The following PLXNC1 variants were observed in gnomAD, a reference collection of about 807,000 sequenced individuals.
PLXNC1 encodes the protein plexin C1.
A neutral mutation model predicts 178.2 loss-of-function variants in PLXNC1; 75 were observed. The ratio of observed to expected loss-of-function variants is 0.42; its 90% CI spans 0.35 to 0.51. The LOEUF is 0.51. Ranked by LOEUF, PLXNC1 falls within the 20% of genes least tolerant of loss-of-function variation. PLXNC1 has a pLI of 0.02. For missense variants in PLXNC1, 1,503 were observed against 1,984.4 expected (o/e 0.76, Z 4.61); for synonymous variants, 790 against 779.9 (o/e 1.01, Z -0.22).
At chr12:94,245,799 G>T (rs2136059568) in intron 12 of PLXNC1, among the ~76,000 whole-genome samples, 1 of 152,252 alleles carries the variant, frequency 6.6e-6, no homozygotes, top group South Asian at 2.1e-4. Context: ...GGTCTGGAAT[G>T]ACCAAGAGCG....
intron 12 of PLXNC1, among the ~76,000 whole-genome samples, chr12:94,246,174 C>A (rs1258918122): frequency 6.6e-6 from 1 of 152,218 alleles, no homozygotes; most frequent in Non-Finnish European, 1.5e-5. Flanking sequence ...TGTTGGGGAA[C>A]CTCCTGCAGG....
intron 4 of PLXNC1, 26 bp downstream of exon 4, chr12:94,186,499 A>C: frequency 6.6e-7 from 1 of 1,515,962 alleles, no homozygotes. Context: ...TTTCTCACCA[A>C]CTCGCATTTT....
chr12:94,177,179 ATATATATG>A lies in PLXNC1; in HGVS notation c.1204-4259_1204-4252del, dbSNP rs1565794329. 5.0e-3 allele frequency among the ~76,000 whole-genome samples: 157 copies of A among 31,546 alleles called. 1 individual carries two copies. Among genetic ancestry groups the A allele is most frequent in the African/African-American group, 0.016 (136 of 8,508 alleles). The allele number at this position is 31,546 out of a possible 152,430, so 20.7% of individuals were successfully genotyped here. A position where few individuals can be genotyped will look rare whatever the true frequency, so the allele number is the denominator to read the frequency against. Reference sequence around the variant, plus strand: ...TATATATGTATATATATATATACGTATATATATGTATATATATATACGTATATATATAT... The same window carrying A: ...TATATATGTATATATATATATACGTATATATATATATACGTATATATATAT... On this transcript the variant is annotated intron_variant, in intron 2 of 30. Transcript: ENST00000258526.
At chr12:94,220,449 T>A (rs1963763345) in intron 6 of PLXNC1, among the ~76,000 whole-genome samples, 1 of 152,100 alleles carries the variant, frequency 6.6e-6, no homozygotes, top group Non-Finnish European at 1.5e-5. Flanking sequence ...ACCCAAATGG[T>A]TTAGATAATT....
intron 21 of PLXNC1, among the ~76,000 whole-genome samples, chr12:94,273,442 T>C (rs1965709314): frequency 6.6e-6 from 1 of 152,126 alleles, no homozygotes; most frequent in African/African-American, 2.4e-5. Flanking sequence ...GCCAAGTGTC[T>C]CCATGGTCTA....
At chr12:94,253,354 C>T (rs896160888) in intron 15 of PLXNC1, among the ~76,000 whole-genome samples, 13 of 151,952 alleles carry the variant, frequency 8.6e-5, no homozygotes, top group African/African-American at 2.4e-4. Context: ...TTCATCCCTG[C>T]ATCTATTTAC....
intron 1 of PLXNC1, among the ~76,000 whole-genome samples, chr12:94,159,287 A>G (rs1961288813): frequency 6.6e-6 from 1 of 152,244 alleles, no homozygotes; most frequent in South Asian, 2.1e-4. Context: ...CTGCAACTTT[A>G]CAAAATGGGC....
chr12:94,214,885 G>C (rs780984464), intron 5 of PLXNC1, among the ~76,000 whole-genome samples: 1 of 150,702 alleles, frequency 6.6e-6, no homozygotes, highest in East Asian at 1.9e-4. Context: ...TAGCAGAGCA[G>C]TGGTGTATTA....
Position 94,279,383 on chromosome 12 carries a change from T to C in PLXNC1, c.3598-89T>C, listed in dbSNP as rs900268013. ...GCTAATGTGCTGTCAGAGGTATTAG[T>C]GGGACTTGCTAAGGTTTGTGTCTTT... On this transcript the variant is annotated intron_variant, in intron 21 of 30. Coordinates refer to ENST00000258526, the MANE Select transcript of PLXNC1 (RefSeq NM_005761.3). The C allele has an allele frequency of 4.7e-6, 5 of 1,071,312 alleles. No individual in the cohort carries two copies. The African/African-American group carries it at 7.9e-5, about 17-fold the overall frequency. The allele number at this position is 1,071,312 out of a possible 1,614,324, so 66.4% of individuals were successfully genotyped here.
chr12:94,292,136 T>G (rs924500340), intron 23 of PLXNC1, among the ~76,000 whole-genome samples: 1 of 152,250 alleles, frequency 6.6e-6, no homozygotes, highest in Non-Finnish European at 1.5e-5. Context: ...GAACTACTTG[T>G]AGTTGCAACA....
chr12:94,282,729 G>T (rs533075694), intron 23 of PLXNC1: 1 of 196,648 alleles, frequency 5.1e-6, no homozygotes, highest in African/African-American at 2.3e-5. Context: ...TGGGTGACAA[G>T]CGTGCTGATG....
intron 5 of PLXNC1, among the ~76,000 whole-genome samples, chr12:94,213,014 C>T (rs993339197): frequency 2.6e-5 from 4 of 152,304 alleles, no homozygotes; most frequent in Non-Finnish European, 5.9e-5. Flanking sequence ...CCACCGTGCC[C>T]GGCCTACGTG....
At chr12:94,271,086 CTCTCTT>C (rs1965541237) in intron 21 of PLXNC1, among the ~76,000 whole-genome samples, 1 of 152,166 alleles carries the variant, frequency 6.6e-6, no homozygotes, top group African/African-American at 2.4e-5. Context: ...CTTGTTTCTT[CTCTCTT>C]TAATTCAGGT....
In PLXNC1 at chr12:94,250,646, A is replaced by G. The variant is rs186126426; in HGVS notation, c.2779-780A>G. On this transcript the variant is annotated intron_variant, in intron 14 of 30. Coordinates refer to ENST00000258526, the MANE Select transcript of PLXNC1 (RefSeq NM_005761.3). The stretch of plus-strand genomic sequence containing the variant: ...CAAGTTTCACAAAATATAACCCAAA[A>G]AAATGCTAAAACTGGAAAAATCCCT... 2.4e-3 allele frequency among the ~76,000 whole-genome samples: 359 copies of G among 152,326 alleles called. 2 individuals carry two copies. In the Middle Eastern group the frequency reaches 0.027, roughly 12 times the overall value.
chr12:94,297,692 A>G (rs563752266), intron 26 of PLXNC1, among the ~76,000 whole-genome samples: 1 of 152,118 alleles, frequency 6.6e-6, no homozygotes, highest in South Asian at 2.1e-4. Context: ...TTTCACTATT[A>G]TTGTTATTTT....
At chr12:94,189,679 C>CA (rs71435709) in intron 4 of PLXNC1, among the ~76,000 whole-genome samples, 243 of 142,708 alleles carry the variant, frequency 1.7e-3, no homozygotes, top group Admixed American at 5.1e-3. Context: ...GACCCTGTCT[C>CA]AAAAAAAAAA....
At chr12:94,295,197 C>G (rs888295929) in intron 24 of PLXNC1, among the ~76,000 whole-genome samples, 1 of 152,212 alleles carries the variant, frequency 6.6e-6, no homozygotes, top group Non-Finnish European at 1.5e-5. Flanking sequence ...CTTTCACACA[C>G]ACAGCCAGAG....
Position 94,193,153 on chromosome 12 carries a change from G to A in PLXNC1, c.1439+6680G>A, listed in dbSNP as rs535120595. Among the ~76,000 whole-genome samples, 6 of 152,258 alleles carry A rather than the reference G, an allele frequency of 3.9e-5. No individual in the cohort carries two copies. The South Asian group carries it at 6.2e-4, about 16-fold the overall frequency. ...GCTTGGCCTGAAGCTCAGTGTGGACGAGCTTCACATTAAAGAATTTGAATT... is the reference window on the plus strand; with the variant it reads ...GCTTGGCCTGAAGCTCAGTGTGGACAAGCTTCACATTAAAGAATTTGAATT... On this transcript the variant is annotated intron_variant, in intron 4 of 30. Coordinates refer to ENST00000258526, the MANE Select transcript of PLXNC1 (RefSeq NM_005761.3).
Position 94,149,938 on chromosome 12 carries a change from C to G in PLXNC1, c.967C>G (p.Pro323Ala). 1.3e-6 allele frequency: 2 copies of G among 1,586,822 alleles called. No homozygotes were observed. Among genetic ancestry groups the G allele is most frequent in the Non-Finnish European group, 1.7e-6 (2 of 1,167,582 alleles). The change falls in exon 1 of 31, where the codon CCC becomes GCC. Residue 323 changes from proline to alanine, a missense_variant. Physicochemically the swap from Pro to Ala is conservative, Grantham distance 27. Transcript: ENST00000258526. ...AAGEGQERRS[P>A]TTTALCLFRM... ...TGGAGAGGGCCAGGAGCGGCGCTCCCCCACCACCACGGCGCTCTGCCTCTT... is the reference window on the plus strand; with the variant it reads ...TGGAGAGGGCCAGGAGCGGCGCTCCGCCACCACCACGGCGCTCTGCCTCTT...
Sources: gnomAD v4.1 joint callset for allele counts (sites outside exome capture counted in the v4.1 genomes callset) on GRCh38, gnomAD v4.1.1 for gene constraint, MANE v1.5 for transcripts, NCBI Gene and HGNC (gene_info 2026-07-23, HGNC 2026-07-21) for gene names.